MTUS1: variants seen among roughly 807,000 people sequenced by gnomAD.
The protein encoded by MTUS1 is microtubule associated scaffold protein 1.
In MTUS1, 109 loss-of-function variants were observed where a neutral mutation model predicts 120.8. The observed-to-expected ratio is 0.90, with a 90% CI of 0.77 to 1.06. MTUS1 has a LOEUF of 1.06. Among genes scored for constraint, MTUS1 ranks in the 50% least tolerant of loss-of-function variants. The probability of loss-of-function intolerance (pLI) is 0.00; values close to 1 mark genes in which losing one functional copy is unlikely to be tolerated. For missense variants in MTUS1, 2,210 were observed against 1,486.3 expected, an observed-to-expected ratio of 1.49 and a Z score of -8.01; for synonymous variants, 737 against 550.5, an observed-to-expected ratio of 1.34 and a Z score of -4.74.
chr8:17,681,228 C>T (rs1387583440), intron 7 of MTUS1, among the ~76,000 whole-genome samples: 1 of 152,132 alleles, frequency 6.6e-6, no homozygotes, highest in Non-Finnish European at 1.5e-5. Flanking sequence ...GCCACAGCGC[C>T]CGGCCTGCAT....
In MTUS1 at chr8:17,754,271, T is replaced by C. The variant is rs1456608098; in HGVS notation, c.1537A>G (p.Lys513Glu). 2 of 1,614,180 alleles carry C rather than the reference T, an allele frequency of 1.2e-6. No homozygotes were observed. Among genetic ancestry groups the C allele is most frequent in the East Asian group, 2.2e-5 (1 of 44,872 alleles). The change falls in exon 2 of 15, where the codon AAA becomes GAA. Residue 513 changes from lysine (K) to glutamate (E), a missense_variant. Lys to Glu is a moderately conservative substitution (Grantham distance 56). Coordinates refer to ENST00000693296, the MANE Select transcript of MTUS1 (RefSeq NM_001363059.2). ...PRPNFKNVKA[K>E]VMSRAVLQPK... is the part of the protein sequence containing the mutation. ...TGCAACACTGCTCTAGACATAACTTTTGCTTTGACATTCTTGAAGTTTGGT... is the reference window on the plus strand; with the variant it reads ...TGCAACACTGCTCTAGACATAACTTCTGCTTTGACATTCTTGAAGTTTGGT...
At chr8:17,785,572 G>T (rs2051235841) in intron 1 of MTUS1, among the ~76,000 whole-genome samples, 1 of 152,076 alleles carries the variant, frequency 6.6e-6, no homozygotes, top group South Asian at 2.1e-4. Flanking sequence ...AAGTGAAAGG[G>T]GTACAAAACT....
At chr8:17,712,520 G>C (rs142595102) in intron 6 of MTUS1, among the ~76,000 whole-genome samples, 5,056 of 152,128 alleles carry the variant, frequency 0.033, 116 homozygotes, top group Non-Finnish European at 0.052. Context: ...TGTATTTTTA[G>C]TAGAGATGGG....
At chr8:17,783,790 T>C (rs917724498) in intron 1 of MTUS1, among the ~76,000 whole-genome samples, 1 of 152,074 alleles carries the variant, frequency 6.6e-6, no homozygotes, top group Admixed American at 6.6e-5. Context: ...CAAAAAACAA[T>C]TCAGTAACAT....
chr8:17,677,623 G>A (rs1329283606), intron 7 of MTUS1, among the ~76,000 whole-genome samples: 2 of 152,130 alleles, frequency 1.3e-5, no homozygotes, highest in African/African-American at 4.8e-5. Context: ...GTTTCACCAA[G>A]CATGTCGACA....
At chr8:17,677,629 C>T (rs1394213649) in intron 7 of MTUS1, among the ~76,000 whole-genome samples, 1 of 152,110 alleles carries the variant, frequency 6.6e-6, no homozygotes, top group Non-Finnish European at 1.5e-5. Flanking sequence ...CCAAGCATGT[C>T]GACATTTCCC....
At chr8:17,769,378 C>G (rs1209041740) in intron 1 of MTUS1, among the ~76,000 whole-genome samples, 1 of 144,478 alleles carries the variant, frequency 6.9e-6, no homozygotes, top group South Asian at 2.2e-4. Flanking sequence ...GACAGAGTCT[C>G]GCTCTGTCGC....
chr8:17,659,513 G>A (rs1809210127), intron 8 of MTUS1, among the ~76,000 whole-genome samples: 1 of 152,146 alleles, frequency 6.6e-6, no homozygotes, highest in Admixed American at 6.5e-5. Flanking sequence ...TGGCCAACAT[G>A]GTGAAACCCC....
intron 3 of MTUS1, among the ~76,000 whole-genome samples, chr8:17,740,194 C>T (rs575905256): frequency 6.0e-5 from 9 of 150,410 alleles, no homozygotes; most frequent in Admixed American, 6.0e-4. Context: ...ATCAACAGAG[C>T]GAGACTCCGT....
intron 1 of MTUS1, among the ~76,000 whole-genome samples, chr8:17,761,863 C>G (rs2131382098): frequency 1.3e-5 from 2 of 152,270 alleles, no homozygotes; most frequent in South Asian, 4.1e-4. Context: ...ACTCACAAAT[C>G]ACAATAGTAG....
chr8:17,674,385 A>C, intron 8 of MTUS1: 5 of 810,820 alleles, frequency 6.2e-6, no homozygotes, highest in Non-Finnish European at 7.5e-6. Flanking sequence ...GCACCACTGC[A>C]CTCCAGTCTG....
At chr8:17,646,929 G>T (rs1355913978) in intron 14 of MTUS1, 53 bp downstream of exon 14, 1 of 1,331,956 alleles carries the variant, frequency 7.5e-7, no homozygotes, top group Non-Finnish European at 1.1e-6. Flanking sequence ...AAAGTACACT[G>T]GATGTCCAAG....
chr8:17,679,048 A>C (rs1813710448), intron 7 of MTUS1, among the ~76,000 whole-genome samples: 1 of 152,180 alleles, frequency 6.6e-6, no homozygotes, highest in African/African-American at 2.4e-5. Flanking sequence ...TATGTAATGA[A>C]ATATGTCTGC....
chr8:17,737,886 G>GTC (rs1194475927), intron 3 of MTUS1, among the ~76,000 whole-genome samples: 1 of 152,084 alleles, frequency 6.6e-6, no homozygotes, highest in Non-Finnish European at 1.5e-5. Flanking sequence ...TTTGCTTACT[G>GTC]TCTCCCTCAA....
At position 17,723,729 on chromosome 8, in the gene MTUS1, C is replaced by T; in HGVS notation, c.2392G>A (p.Gly798Arg). 1 of 1,610,916 alleles carries T rather than the reference C, an allele frequency of 6.2e-7. No homozygotes were observed. Among genetic ancestry groups the T allele is most frequent in the Non-Finnish European group, 8.5e-7 (1 of 1,177,814 alleles). ...SLKSPALRRT[G>R]STPSIASTHS... ...GTGCTGGCTATTGAGGGGGTGCTTC[C>T]TGTCCTCCGCAGCGCAGGACTTTTC... is the stretch of plus-strand genomic sequence containing the variant. The change falls in exon 4 of 15, where the codon GGA becomes AGA. Residue 798 changes from glycine (G) to arginine (R), a missense_variant. By Grantham distance (125) the Gly-to-Arg change is moderately radical. Coordinates refer to ENST00000693296, the MANE Select transcript of MTUS1 (RefSeq NM_001363059.2).
intron 3 of MTUS1, among the ~76,000 whole-genome samples, chr8:17,725,905 T>C (rs1236449430): frequency 1.3e-5 from 2 of 152,194 alleles, no homozygotes; most frequent in Admixed American, 1.3e-4. Flanking sequence ...AGGATGGTGA[T>C]CGTAGTTTCA....
intron 1 of MTUS1, among the ~76,000 whole-genome samples, chr8:17,799,595 T>C (rs1207999960): frequency 6.6e-6 from 1 of 152,170 alleles, no homozygotes. Context: ...TTTTAAATGC[T>C]TGAGTGTAAT....
chr8:17,664,425 C>T (rs928202858), intron 8 of MTUS1, among the ~76,000 whole-genome samples: 5 of 151,926 alleles, frequency 3.3e-5, no homozygotes, highest in Non-Finnish European at 5.9e-5. Context: ...GACGCTCTGG[C>T]CAGCCTGCTG....
chr8:17,762,947 CAAA>C (rs879022643), intron 1 of MTUS1, among the ~76,000 whole-genome samples: 102 of 151,284 alleles, frequency 6.7e-4, no homozygotes, highest in South Asian at 4.6e-3. Context: ...TTGACCAGAT[CAAA>C]AACAACAGTG....
Sources: gnomAD v4.1 joint callset for allele counts (sites outside exome capture counted in the v4.1 genomes callset) on GRCh38, gnomAD v4.1.1 for gene constraint, MANE v1.5 for transcripts, NCBI Gene and HGNC (gene_info 2026-07-23, HGNC 2026-07-21) for gene names.